Variants in TENM4 observed in about 807,000 individuals in gnomAD.
TENM4 encodes the protein teneurin-4.
Under a neutral mutation model 243.3 loss-of-function variants are expected in TENM4, and 82 were observed. The observed-to-expected ratio is 0.34, with a 90% CI of 0.28 to 0.40. TENM4 has a LOEUF of 0.40. Ranked by LOEUF, TENM4 falls within the 10% of genes least tolerant of loss-of-function variation. The pLI is 1.00. For missense variants in TENM4, 3,138 were observed against 3,673.3 expected, an observed-to-expected ratio of 0.85 and a Z score of 3.77; for synonymous variants, 1,412 against 1,456.3, an observed-to-expected ratio of 0.97 and a Z score of 0.69.
Position 78,738,512 on chromosome 11 carries a change from C to T in TENM4, c.2815G>A (p.Val939Met). Residue 939 changes from valine (V) to methionine (M), a missense_variant, in exon 20 of 34, where the codon GTG becomes ATG. Coordinates refer to ENST00000278550, the MANE Select transcript of TENM4 (RefSeq NM_001098816.3). ...MTSDGTPLVG[V>M]NISFVNNPLF... ...GGGTTATTGACAAAACTGATGTTCA[C>T]ACCAACCAGGGGGGTTCCATCTGAT... 6.2e-7 allele frequency: 1 copy of T among 1,613,914 alleles called. No homozygotes were observed. Among genetic ancestry groups the T allele is most frequent in the Non-Finnish European group, 8.5e-7 (1 of 1,179,852 alleles).
intron 3 of TENM4, among the ~76,000 whole-genome samples, chr11:79,172,319 T>C (rs1416169122): frequency 6.6e-6 from 1 of 152,210 alleles, no homozygotes; most frequent in Non-Finnish European, 1.5e-5. Flanking sequence ...AACGGGGGCA[T>C]GATCAGCCCA....
In TENM4 at chr11:79,161,067, G is replaced by A. The variant is rs769396698; in HGVS notation, c.-162-12261C>T. ...TCTGGGGTTAAGGGCATCTTGAACA[G>A]CATGTTAGAAAAAGATAAAAGAAGC... On this transcript the variant is annotated intron_variant, in intron 3 of 33. Coordinates refer to ENST00000278550, the MANE Select transcript of TENM4 (RefSeq NM_001098816.3). 2.6e-5 allele frequency among the ~76,000 whole-genome samples: 4 copies of A among 152,186 alleles called. No individual in the cohort carries two copies. The East Asian group carries it at 7.7e-4, about 29-fold the overall frequency.
In TENM4 at chr11:78,701,507, G is replaced by T; in HGVS notation, c.5087+19C>A. ...ATTAATGAAACAAAATCATCAAATG[G>T]CCTTGTTTTAGTACTTACTCATAAA... is the stretch of plus-strand genomic sequence containing the variant. On this transcript the variant is annotated intron_variant, in intron 28 of 33. Transcript: ENST00000278550. 1.3e-6 allele frequency: 2 copies of T among 1,543,016 alleles called. No homozygotes were observed. The highest frequency in any genetic ancestry group is 1.8e-6 in the Non-Finnish European group (2 of 1,140,878).
intron 1 of TENM4, among the ~76,000 whole-genome samples, chr11:79,389,475 G>A (rs1267470510): frequency 6.6e-6 from 1 of 152,176 alleles, no homozygotes; most frequent in Non-Finnish European, 1.5e-5. Flanking sequence ...AGTGTTTAAT[G>A]GGCCTAGGCC....
chr11:79,436,382 G>A (rs186978881), intron 1 of TENM4, among the ~76,000 whole-genome samples: 30 of 152,208 alleles, frequency 2.0e-4, no homozygotes, highest in Admixed American at 2.0e-3. Flanking sequence ...TGCAAACTAA[G>A]TAATATTGTG....
At chr11:78,730,278 G>A (rs1035677574) in intron 21 of TENM4, among the ~76,000 whole-genome samples, 5 of 152,222 alleles carry the variant, frequency 3.3e-5, no homozygotes, top group Non-Finnish European at 5.9e-5. Flanking sequence ...GCCTAAGCAG[G>A]AAGGATGGTT....
Position 79,132,118 on chromosome 11 carries a change from G to A in TENM4, c.-66+16592C>T, listed in dbSNP as rs185968379. ...AGCACTTTGGGAGGCCAAGGTGGGC[G>A]GATCACGAGGTCAGGAGATCGAGAC... is the stretch of plus-strand genomic sequence containing the variant. On this transcript the variant is annotated intron_variant, in intron 4 of 33. Transcript: ENST00000278550. Among the ~76,000 whole-genome samples the A allele has an allele frequency of 9.4e-4, 142 of 151,858 alleles. 1 individual carries two copies. The highest frequency in any genetic ancestry group is 6.8e-3 in the Middle Eastern group (2 of 294).
chr11:79,135,914 T>C (rs956974213), intron 4 of TENM4, among the ~76,000 whole-genome samples: 47 of 151,724 alleles, frequency 3.1e-4, no homozygotes, highest in Non-Finnish European at 1.8e-4. Flanking sequence ...GAGACTATTA[T>C]TCTAAGTGAA....
intron 2 of TENM4, among the ~76,000 whole-genome samples, chr11:79,221,927 A>G (rs1402990270): frequency 1.3e-5 from 2 of 152,070 alleles, no homozygotes; most frequent in African/African-American, 4.8e-5. Context: ...CAGGGCAGGG[A>G]AGCTGAGAGG....
chr11:78,750,225 TTCATGAAATAC>T (rs1856150887), intron 19 of TENM4, among the ~76,000 whole-genome samples: 3 of 152,216 alleles, frequency 2.0e-5, no homozygotes, highest in Admixed American at 2.0e-4. Flanking sequence ...TGAAATAAGT[TTCATGAAATAC>T]ATATTCTTTT....
At chr11:79,108,003 T>A (rs1250634324) in intron 4 of TENM4, among the ~76,000 whole-genome samples, 1 of 152,232 alleles carries the variant, frequency 6.6e-6, no homozygotes, top group Non-Finnish European at 1.5e-5. Flanking sequence ...TGGCAAGAAC[T>A]AGCAATAGAT....
In TENM4 at chr11:78,925,204, T is replaced by C. The variant is rs146673053; in HGVS notation, c.494-21681A>G. On this transcript the variant is annotated intron_variant, in intron 6 of 33. Coordinates refer to ENST00000278550, the MANE Select transcript of TENM4 (RefSeq NM_001098816.3). ...AGAGCGTCAACTGAGATTTGTGTGA[T>C]TTCAGCTTCAGAGTTGGATGTCTGA... Among the ~76,000 whole-genome samples the C allele has an allele frequency of 7.9e-5, 12 of 152,310 alleles. 1 individual carries two copies. The East Asian group carries it at 1.9e-3, about 24-fold the overall frequency.
At chr11:79,393,609 CA>C (rs1343090781) in intron 1 of TENM4, among the ~76,000 whole-genome samples, 1 of 152,108 alleles carries the variant, frequency 6.6e-6, no homozygotes, top group African/African-American at 2.4e-5. Flanking sequence ...GATTGAAATG[CA>C]AAAAAGGCAG....
intron 9 of TENM4, among the ~76,000 whole-genome samples, chr11:78,889,509 C>T (rs142388180): frequency 3.6e-4 from 55 of 152,320 alleles, no homozygotes; most frequent in African/African-American, 1.1e-3. Context: ...TGAGCACTCA[C>T]GCCTTAATAC....
intron 12 of TENM4, among the ~76,000 whole-genome samples, chr11:78,842,366 G>A (rs1858279287): frequency 6.6e-6 from 1 of 152,226 alleles, no homozygotes; most frequent in Non-Finnish European, 1.5e-5. Flanking sequence ...ATTTGCTTTA[G>A]TGTAGGTTCT....
intron 4 of TENM4, among the ~76,000 whole-genome samples, chr11:79,115,766 T>G (rs1861605866): frequency 1.3e-5 from 2 of 152,286 alleles, no homozygotes; most frequent in South Asian, 4.1e-4. Context: ...CACAGATGAG[T>G]GAAGAGGGCT....
At chr11:79,316,942 ACT>A (rs1415788230) in intron 1 of TENM4, among the ~76,000 whole-genome samples, 3 of 152,022 alleles carry the variant, frequency 2.0e-5, no homozygotes, top group African/African-American at 4.8e-5. Context: ...AGTAGAAGTG[ACT>A]CTGTGATTTT....
chr11:79,134,922 A>T (rs1276495619), intron 4 of TENM4, among the ~76,000 whole-genome samples: 1 of 152,182 alleles, frequency 6.6e-6, no homozygotes, highest in Non-Finnish European at 1.5e-5. Flanking sequence ...ACCCTTCTAG[A>T]AATTGGCTTA....
At chr11:78,933,508 G>A (rs142969878) in intron 6 of TENM4, among the ~76,000 whole-genome samples, 1 of 152,198 alleles carries the variant, frequency 6.6e-6, no homozygotes, top group Non-Finnish European at 1.5e-5. Flanking sequence ...TTGGTCTTCA[G>A]TGCTGCTTGT....
Sources: allele counts gnomAD v4.1 joint callset (sites outside exome capture counted in the v4.1 genomes callset), GRCh38; gene constraint gnomAD v4.1.1; transcripts MANE v1.5; gene names NCBI Gene and HGNC (gene_info 2026-07-23, HGNC 2026-07-21).